The following ZPBP variants were observed in gnomAD, a reference collection of about 807,000 sequenced individuals.
The protein encoded by ZPBP is zona pellucida-binding protein 1.
Under a neutral mutation model 44.8 loss-of-function variants are expected in ZPBP, and 26 were observed. That is an observed-to-expected ratio of 0.58 (90% CI 0.43 to 0.81). The LOEUF (loss-of-function observed/expected upper bound fraction) is 0.81, where lower values mean the gene tolerates loss of function less well. Among genes scored for constraint, ZPBP ranks in the 30% least tolerant of loss-of-function variants. The pLI is 0.00. For missense variants in ZPBP, 409 were observed against 434.0 expected, an observed-to-expected ratio of 0.94 and a Z score of 0.51; for synonymous variants, 174 against 153.2, an observed-to-expected ratio of 1.14 and a Z score of -1.00.
chr7:49,969,399 A>C (rs540382363), intron 7 of ZPBP, among the ~76,000 whole-genome samples: 1 of 151,182 alleles, frequency 6.6e-6, no homozygotes, highest in Admixed American at 6.6e-5. Context: ...CAAAACTGAC[A>C]CAAAATATAC....
chr7:50,030,765 A>G (rs1175595846), intron 5 of ZPBP, among the ~76,000 whole-genome samples: 2 of 152,196 alleles, frequency 1.3e-5, no homozygotes, highest in Non-Finnish European at 2.9e-5. Flanking sequence ...CCTCTGGTCT[A>G]TGATATTAAC....
intron 7 of ZPBP, among the ~76,000 whole-genome samples, chr7:49,969,812 T>TAGAG (rs1262391235): frequency 3.5e-5 from 4 of 114,068 alleles, no homozygotes; most frequent in South Asian, 5.2e-4. Context: ...TGTATATATA[T>TAGAG]ATATATAGAG....
chr7:49,897,800 T>TA lies in ZPBP; in HGVS notation n.509+3317dup, dbSNP rs566915672. Among the ~76,000 whole-genome samples the TA allele has an allele frequency of 1.6e-3, 249 of 152,290 alleles. 3 individuals are homozygous for TA. Among genetic ancestry groups the TA allele is most frequent in the African/African-American group, 5.6e-3 (232 of 41,550 alleles). ...GAAGTTTGCTGGACAAGCTTGAAAGTAAAAAACTCCACAGGGATTCAGTCA... is the reference window on the plus strand; with the variant it reads ...GAAGTTTGCTGGACAAGCTTGAAAGTAAAAAAACTCCACAGGGATTCAGTCA... On this transcript the variant is annotated intron_variant and non_coding_transcript_variant, in intron 2 of 2. Coordinates refer to the ZPBP transcript ENST00000465922.
chr7:49,964,187 C>A (rs1002213699), intron 7 of ZPBP, among the ~76,000 whole-genome samples: 2 of 151,832 alleles, frequency 1.3e-5, no homozygotes, highest in African/African-American at 4.8e-5. Context: ...TAGCTAACAT[C>A]TGCTTCAAGG....
intron 2 of ZPBP, among the ~76,000 whole-genome samples, chr7:49,853,875 C>A (rs1314177904): frequency 7.5e-6 from 1 of 133,454 alleles, no homozygotes. Flanking sequence ...TCCCCCCACC[C>A]CACAACAGGC....
intron 3 of ZPBP, among the ~76,000 whole-genome samples, chr7:50,071,528 C>T (rs1347359955): frequency 2.6e-5 from 4 of 152,120 alleles, no homozygotes; most frequent in Admixed American, 6.5e-5. Context: ...AACTGAGACA[C>T]CAGCTGGGGA....
chr7:49,926,975 A>G (rs182405705), intron 1 of ZPBP, among the ~76,000 whole-genome samples: 3 of 152,222 alleles, frequency 2.0e-5, no homozygotes, highest in African/African-American at 7.2e-5. Flanking sequence ...GACGCAGTGC[A>G]AACACAGTGG....
intron 4 of ZPBP, among the ~76,000 whole-genome samples, chr7:50,048,447 T>G (rs190499092): frequency 1.3e-5 from 2 of 152,242 alleles, no homozygotes; most frequent in Admixed American, 1.3e-4. Context: ...TGGAACATTC[T>G]CAAGGATAAA....
chr7:49,874,400 T>C (rs1013248488), intron 2 of ZPBP, among the ~76,000 whole-genome samples: 6 of 152,218 alleles, frequency 3.9e-5, no homozygotes, highest in South Asian at 2.1e-4. Flanking sequence ...CTAGGAGCAA[T>C]AGGCTATATC....
chr7:49,940,655 A>C (rs903741546), intron 7 of ZPBP: 3 of 226,526 alleles, frequency 1.3e-5, no homozygotes, highest in East Asian at 3.7e-4. Context: ...TTCTGAATCC[A>C]AAAAAAAAAA....
At chr7:50,040,228 T>A (rs1480035838) in intron 4 of ZPBP, among the ~76,000 whole-genome samples, 1 of 152,218 alleles carries the variant, frequency 6.6e-6, no homozygotes, top group African/African-American at 2.4e-5. Context: ...CACTATATAT[T>A]GTCTACATGA....
intron 7 of ZPBP, among the ~76,000 whole-genome samples, chr7:49,978,859 C>T (rs1053819771): frequency 6.6e-6 from 1 of 151,700 alleles, no homozygotes; most frequent in Non-Finnish European, 1.5e-5. Context: ...AGGGTGATAA[C>T]CTCCTGTAAA....
chr7:49,981,238 ATATT>A (rs1420764552), intron 7 of ZPBP, among the ~76,000 whole-genome samples: 3 of 120,122 alleles, frequency 2.5e-5, no homozygotes, highest in Non-Finnish European at 4.8e-5. Context: ...CAAATTGTAA[ATATT>A]TATATATGTT....
chr7:50,051,296 A>T (rs1165799716), intron 4 of ZPBP, among the ~76,000 whole-genome samples: 1 of 152,196 alleles, frequency 6.6e-6, no homozygotes. Flanking sequence ...GATGCTGTCG[A>T]GGTTGAGGAG....
intron 2 of ZPBP, among the ~76,000 whole-genome samples, chr7:49,864,874 C>T (rs905418562): frequency 2.6e-5 from 4 of 152,154 alleles, no homozygotes; most frequent in Non-Finnish European, 4.4e-5. Flanking sequence ...TTGCCTTGTT[C>T]GTGATTCAGT....
At chr7:49,974,345 T>C (rs1796413960) in intron 7 of ZPBP, among the ~76,000 whole-genome samples, 1 of 152,210 alleles carries the variant, frequency 6.6e-6, no homozygotes, top group African/African-American at 2.4e-5. Flanking sequence ...GGAGACATGG[T>C]TAATGAGAAA....
chr7:49,937,040 A>G (rs1444172779), downstream of ZPBP, among the ~76,000 whole-genome samples: 1 of 152,206 alleles, frequency 6.6e-6, no homozygotes, highest in Non-Finnish European at 1.5e-5. Flanking sequence ...ACTAGGCCTT[A>G]TATTAAAGAG....
At chr7:49,873,304 G>C (rs1238660839) in intron 2 of ZPBP, among the ~76,000 whole-genome samples, 2 of 152,170 alleles carry the variant, frequency 1.3e-5, no homozygotes, top group Admixed American at 1.3e-4. Flanking sequence ...GTGAGGGCCT[G>C]CTTCCTGGTT....
intron 2 of ZPBP, chr7:49,901,076 T>C (rs1041223297): frequency 5.3e-5 from 8 of 151,902 alleles, no homozygotes; most frequent in Non-Finnish European, 7.4e-5. Context: ...TTCATCAACT[T>C]GATAAAGACT....
Sources: allele counts gnomAD v4.1 joint callset (sites outside exome capture counted in the v4.1 genomes callset), GRCh38; gene constraint gnomAD v4.1.1; transcripts MANE v1.5; gene names NCBI Gene and HGNC (gene_info 2026-07-23, HGNC 2026-07-21).